FBXO16: variants seen among roughly 807,000 people sequenced by gnomAD.
FBXO16 encodes the protein F-box only protein 16.
FBXO16 carries 31 observed loss-of-function variants against 41.0 expected under a neutral mutation model. That is an observed-to-expected ratio of 0.76 (90% confidence interval 0.57 to 1.02). The LOEUF (loss-of-function observed/expected upper bound fraction) is 1.02, where lower values mean the gene tolerates loss of function less well. Among genes scored for constraint, FBXO16 ranks in the 50% least tolerant of loss-of-function variants. The probability of loss-of-function intolerance (pLI) is 0.00; values close to 1 mark genes in which losing one functional copy is unlikely to be tolerated. For missense variants in FBXO16, 361 were observed against 346.2 expected, an observed-to-expected ratio of 1.04 and a Z score of -0.34; for synonymous variants, 133 against 117.8, an observed-to-expected ratio of 1.13 and a Z score of -0.84.
intron 4 of FBXO16, among the ~76,000 whole-genome samples, chr8:28,458,401 T>C (rs1258451797): frequency 6.6e-6 from 1 of 152,110 alleles, no homozygotes; most frequent in Admixed American, 6.6e-5. Context: ...ATTTAGTTTG[T>C]TTGACCCAGA....
intron 3 of FBXO16, among the ~76,000 whole-genome samples, chr8:28,468,323 G>A (rs539877604): frequency 3.8e-4 from 58 of 152,196 alleles, no homozygotes; most frequent in African/African-American, 1.2e-3. Context: ...TTGTTACAAG[G>A]ATTCTTGCTG....
intron 7 of FBXO16, among the ~76,000 whole-genome samples, chr8:28,439,318 T>C (rs1196334331): frequency 6.6e-6 from 1 of 152,156 alleles, no homozygotes; most frequent in African/African-American, 2.4e-5. Context: ...GCAAAGCCCA[T>C]ATTCTTTGTT....
At chr8:28,438,320 A>C (rs975099339) in intron 7 of FBXO16, among the ~76,000 whole-genome samples, 2 of 152,220 alleles carry the variant, frequency 1.3e-5, no homozygotes, top group Admixed American at 1.3e-4. Context: ...TGTCTAAAAA[A>C]ATAAATAAAA....
chr8:28,462,208 G>T (rs1803145442), intron 4 of FBXO16, among the ~76,000 whole-genome samples: 1 of 151,822 alleles, frequency 6.6e-6, no homozygotes, highest in African/African-American at 2.4e-5. Flanking sequence ...CCAAAGTGCT[G>T]GGATTACAGG....
intron 4 of FBXO16, among the ~76,000 whole-genome samples, chr8:28,462,277 CTTTT>C (rs377494554): frequency 0.011 from 1,440 of 133,534 alleles, 28 homozygotes; most frequent in African/African-American, 0.038. Flanking sequence ...TCTTCTTCTT[CTTTT>C]TTTTTTTTTT....
chr8:28,477,366 C>T (rs1194639029), intron 2 of FBXO16, among the ~76,000 whole-genome samples: 1 of 152,136 alleles, frequency 6.6e-6, no homozygotes, highest in African/African-American at 2.4e-5. Context: ...ACCTTTTGGC[C>T]AGCTGTCTCC....
chr8:28,443,097 C>T (rs1436584877), intron 7 of FBXO16, among the ~76,000 whole-genome samples: 1 of 151,708 alleles, frequency 6.6e-6, no homozygotes, highest in Non-Finnish European at 1.5e-5. Flanking sequence ...TGGCTCACTA[C>T]AGCTTCAAAC....
At chr8:28,470,455 T>A (rs1262154068) in intron 3 of FBXO16, among the ~76,000 whole-genome samples, 2 of 152,236 alleles carry the variant, frequency 1.3e-5, no homozygotes, top group Non-Finnish European at 2.9e-5. Context: ...AAATGAATAT[T>A]TCTCTAGTAT....
intron 6 of FBXO16, among the ~76,000 whole-genome samples, chr8:28,447,752 G>A (rs527542463): frequency 6.2e-4 from 94 of 152,298 alleles, no homozygotes; most frequent in African/African-American, 2.2e-3. Context: ...TCAGGGGTTC[G>A]AGACCAGCCT....
intron 5 of FBXO16, among the ~76,000 whole-genome samples, chr8:28,454,919 G>T (rs1217821515): frequency 6.6e-6 from 1 of 151,618 alleles, no homozygotes; most frequent in Non-Finnish European, 1.5e-5. Flanking sequence ...TTTGTTAAAT[G>T]CTTTTGTTTG....
At chr8:28,441,946 A>AT (rs1216726136) in intron 7 of FBXO16, among the ~76,000 whole-genome samples, 1,893 of 73,912 alleles carry the variant, frequency 0.026, 29 homozygotes, top group Middle Eastern at 0.043. Context: ...GTGTGTGTGT[A>AT]TTTTTTTTTT....
At chr8:28,462,854 C>T (rs1350838449) in intron 4 of FBXO16, among the ~76,000 whole-genome samples, 1 of 152,246 alleles carries the variant, frequency 6.6e-6, no homozygotes, top group Non-Finnish European at 1.5e-5. Flanking sequence ...GTACATATCT[C>T]ATTAGGTCCT....
At chr8:28,485,172 T>C (rs1486569029) in intron 1 of FBXO16, among the ~76,000 whole-genome samples, 1 of 152,074 alleles carries the variant, frequency 6.6e-6, no homozygotes, top group Non-Finnish European at 1.5e-5. Context: ...CAACAGATAC[T>C]GGATATTTTT....
At chr8:28,489,042 CA>C (rs1379669509) in intron 1 of FBXO16, among the ~76,000 whole-genome samples, 1 of 152,044 alleles carries the variant, frequency 6.6e-6, no homozygotes, top group Non-Finnish European at 1.5e-5. Context: ...ATGACTACAG[CA>C]GTGCAAGTGG....
chr8:28,457,169 C>T, intron 4 of FBXO16, among the ~76,000 whole-genome samples: 1 of 152,128 alleles, frequency 6.6e-6, no homozygotes, highest in East Asian at 1.9e-4. Flanking sequence ...AGTCAATTAA[C>T]ATTTATGGAG....
At chr8:28,435,125 C>T (rs1007733478) in intron 7 of FBXO16, among the ~76,000 whole-genome samples, 2 of 151,842 alleles carry the variant, frequency 1.3e-5, no homozygotes, top group African/African-American at 4.8e-5. Context: ...GCCCAGCATC[C>T]GAGAAGAATG....
At chr8:28,438,271 G>C (rs1236843002) in intron 7 of FBXO16, among the ~76,000 whole-genome samples, 1 of 152,054 alleles carries the variant, frequency 6.6e-6, no homozygotes, top group East Asian at 1.9e-4. Flanking sequence ...ACCCAAGATT[G>C]CATCACTGCA....
intron 7 of FBXO16, among the ~76,000 whole-genome samples, chr8:28,433,953 CTGAT>C (rs1802649336): frequency 7.2e-6 from 1 of 139,070 alleles, no homozygotes; most frequent in Admixed American, 6.9e-5. Flanking sequence ...TTTTCACTCC[CTGAT>C]TTTTTTTTTT....
At chr8:28,487,419 A>G in intron 1 of FBXO16, among the ~76,000 whole-genome samples, 1 of 141,486 alleles carries the variant, frequency 7.1e-6, no homozygotes, top group Admixed American at 7.1e-5. Flanking sequence ...TTTTGAGATG[A>G]AGTCTCACTC....
Sources: gnomAD v4.1 joint callset for allele counts (sites outside exome capture counted in the v4.1 genomes callset) on GRCh38, gnomAD v4.1.1 for gene constraint, MANE v1.5 for transcripts, NCBI Gene and HGNC (gene_info 2026-07-23, HGNC 2026-07-21) for gene names.